SSBP2: variants seen among roughly 807,000 people sequenced by gnomAD.
The protein encoded by SSBP2 is single stranded DNA binding protein 2.
In SSBP2, 17 loss-of-function variants were observed where a neutral mutation model predicts 61.8. That is an observed-to-expected ratio of 0.28 (90% CI 0.19 to 0.41). SSBP2 has a LOEUF of 0.41. Ranked by LOEUF, SSBP2 falls within the 10% of genes least tolerant of loss-of-function variation. The probability of loss-of-function intolerance (pLI) is 1.00; values close to 1 mark genes in which losing one functional copy is unlikely to be tolerated. For synonymous variants in SSBP2, 139 were observed against 141.3 expected, an observed-to-expected ratio of 0.98 and a Z score of 0.12; for missense variants, 310 against 458.7, an observed-to-expected ratio of 0.68 and a Z score of 2.96.
rs570629191 is a variant in SSBP2 at position 81,624,576 on chromosome 5, G to C, written c.198-9019C>G. On this transcript the variant is annotated intron_variant, in intron 3 of 16. Coordinates refer to ENST00000320672, the MANE Select transcript of SSBP2 (RefSeq NM_012446.5). ...AAAAGTTTTAGATTTTGGATCTCAG[G>C]TTTTCAGACTAGGGATGCTCAACCT... Among the ~76,000 whole-genome samples, 40 of 152,140 alleles carry C rather than the reference G, an allele frequency of 2.6e-4. 2 individuals are homozygous for C. In the South Asian group the frequency reaches 8.3e-3, roughly 32 times the overall value.
At chr5:81,710,714 G>A (rs1055704652) in intron 1 of SSBP2, 17 of 454,752 alleles carry the variant, frequency 3.7e-5, no homozygotes, top group African/African-American at 3.2e-4. Flanking sequence ...GAGGGCTGAG[G>A]GGATCACAAG....
At chr5:81,745,887 T>C (rs988356483) in intron 1 of SSBP2, among the ~76,000 whole-genome samples, 3 of 152,106 alleles carry the variant, frequency 2.0e-5, no homozygotes, top group Non-Finnish European at 2.9e-5. Flanking sequence ...ACCTGGGTAT[T>C]CCAGCCCCTG....
In SSBP2 at chr5:81,442,666, G is replaced by C; in HGVS notation, c.836C>G (p.Pro279Arg). Residue 279 changes from proline (P) to arginine (R), a missense_variant, in exon 13 of 17, where the codon CCT (proline) becomes CGT (arginine). Transcript: ENST00000320672. ...GTTCATATTTACATTAGGTCTGTTAGGTCCAGGAGGTACTGCATTCATTAA... is the reference window on the plus strand; with the variant it reads ...GTTCATATTTACATTAGGTCTGTTACGTCCAGGAGGTACTGCATTCATTAA... The C allele has an allele frequency of 6.4e-7, 1 of 1,573,748 alleles. No homozygotes were observed. The highest frequency in any genetic ancestry group is 8.6e-7 in the Non-Finnish European group (1 of 1,159,094).
chr5:81,741,858 T>C (rs1009120064), intron 1 of SSBP2, among the ~76,000 whole-genome samples: 1 of 152,238 alleles, frequency 6.6e-6, no homozygotes, highest in Admixed American at 6.5e-5. Context: ...TTTTGTTTAA[T>C]GAAAGTACTG....
At chr5:81,492,879 G>A (rs1372851188) in intron 5 of SSBP2, among the ~76,000 whole-genome samples, 1 of 152,070 alleles carries the variant, frequency 6.6e-6, no homozygotes, top group East Asian at 1.9e-4. Flanking sequence ...ATGATTCTGT[G>A]TTAATTATTT....
chr5:81,654,305 C>G (rs999293368), intron 1 of SSBP2, among the ~76,000 whole-genome samples: 5 of 152,224 alleles, frequency 3.3e-5, no homozygotes, highest in African/African-American at 1.2e-4. Flanking sequence ...AAATTGACCA[C>G]GTCCAAAGTT....
At chr5:81,421,492 C>A (rs1295653504) in intron 16 of SSBP2, among the ~76,000 whole-genome samples, 1 of 152,182 alleles carries the variant, frequency 6.6e-6, no homozygotes, top group African/African-American at 2.4e-5. Flanking sequence ...TGTGCTCGGC[C>A]TGTGACTCTA....
intron 1 of SSBP2, among the ~76,000 whole-genome samples, chr5:81,703,837 T>C (rs1754171992): frequency 6.6e-6 from 1 of 152,274 alleles, no homozygotes; most frequent in African/African-American, 2.4e-5. Context: ...ATATGGTGAC[T>C]ACTTTTTCAT....
chr5:81,698,903 C>G (rs1395189600), intron 1 of SSBP2, among the ~76,000 whole-genome samples: 1 of 152,158 alleles, frequency 6.6e-6, no homozygotes, highest in African/African-American at 2.4e-5. Flanking sequence ...TCAATCTGAA[C>G]AAAATTTAAA....
At chr5:81,692,753 G>A (rs1326159324) in intron 1 of SSBP2, among the ~76,000 whole-genome samples, 2 of 151,228 alleles carry the variant, frequency 1.3e-5, no homozygotes, top group African/African-American at 4.9e-5. Context: ...ATATACACCG[G>A]AGAAAGGAAA....
At chr5:81,544,803 C>G (rs1771601672) in intron 4 of SSBP2, among the ~76,000 whole-genome samples, 1 of 152,190 alleles carries the variant, frequency 6.6e-6, no homozygotes, top group Non-Finnish European at 1.5e-5. Flanking sequence ...TCCCAGCCCT[C>G]CTTTATGTGA....
At chr5:81,642,660 T>C (rs2153690937) in intron 2 of SSBP2, among the ~76,000 whole-genome samples, 1 of 152,288 alleles carries the variant, frequency 6.6e-6, no homozygotes, top group Admixed American at 6.5e-5. Context: ...ATTGTTTTAA[T>C]TGAAAGAGAC....
chr5:81,622,570 A>G (rs903555682), intron 3 of SSBP2, among the ~76,000 whole-genome samples: 12 of 152,198 alleles, frequency 7.9e-5, no homozygotes, highest in Admixed American at 7.2e-4. Context: ...AATTTATACC[A>G]TATATGCACA....
At chr5:81,429,006 G>GC (rs1762128690) in intron 15 of SSBP2, among the ~76,000 whole-genome samples, 1 of 148,620 alleles carries the variant, frequency 6.7e-6, no homozygotes, top group Non-Finnish European at 1.5e-5. Context: ...AACATTCCCA[G>GC]CAGGGGCATG....
rs561058581 is a variant in SSBP2 at position 81,495,197 on chromosome 5, G to A, written c.373-5888C>T. Among the ~76,000 whole-genome samples the A allele has an allele frequency of 8.5e-5, 13 of 152,104 alleles. No homozygotes were observed. In the South Asian group the frequency reaches 2.7e-3, roughly 32 times the overall value. On this transcript the variant is annotated intron_variant, in intron 5 of 16. Transcript: ENST00000320672. ...TCAGTCGAAGTCTTTTCTTTTTGAA[G>A]GTCCCAGGCCCCTTAATGAAACTGT... is the stretch of plus-strand genomic sequence containing the variant.
intron 2 of SSBP2, among the ~76,000 whole-genome samples, chr5:81,644,514 A>G (rs1749090528): frequency 6.6e-6 from 1 of 152,202 alleles, no homozygotes; most frequent in African/African-American, 2.4e-5. Context: ...TTAGTGAAAA[A>G]TTCCCTGTAG....
chr5:81,635,973 T>G (rs1329499007), intron 3 of SSBP2, among the ~76,000 whole-genome samples: 2 of 152,214 alleles, frequency 1.3e-5, no homozygotes, highest in African/African-American at 4.8e-5. Context: ...GGTTGAGTTT[T>G]TAAATAAATT....
At chr5:81,591,078 T>C (rs748155688) in intron 4 of SSBP2, among the ~76,000 whole-genome samples, 35 of 152,162 alleles carry the variant, frequency 2.3e-4, no homozygotes, top group Non-Finnish European at 4.9e-4. Context: ...AGGGGCAAGA[T>C]AACTAAGACA....
At chr5:81,732,062 TAGA>T (rs1298246344) in intron 1 of SSBP2, among the ~76,000 whole-genome samples, 1 of 152,042 alleles carries the variant, frequency 6.6e-6, no homozygotes, top group Non-Finnish European at 1.5e-5. Context: ...CTATGTTAAT[TAGA>T]AGGTCTTAAT....
Sources: gnomAD v4.1 joint callset for allele counts (sites outside exome capture counted in the v4.1 genomes callset) on GRCh38, gnomAD v4.1.1 for gene constraint, MANE v1.5 for transcripts, NCBI Gene and HGNC (gene_info 2026-07-23, HGNC 2026-07-21) for gene names.